The following LDLRAD4 variants were observed in gnomAD, a reference collection of about 807,000 sequenced individuals.
LDLRAD4 encodes low density lipoprotein receptor class A domain containing 4.
Under a neutral mutation model 17.0 loss-of-function variants are expected in LDLRAD4, and 5 were observed. That is an observed-to-expected ratio of 0.29 (90% CI 0.15 to 0.62). The LOEUF is 0.62. Among genes scored for constraint, LDLRAD4 ranks in the 20% least tolerant of loss-of-function variants. The pLI is 0.84. For missense variants in LDLRAD4, 340 were observed against 424.7 expected, an observed-to-expected ratio of 0.80 and a Z score of 1.75; for synonymous variants, 168 against 171.8, an observed-to-expected ratio of 0.98 and a Z score of 0.17.
intron 3 of LDLRAD4, among the ~76,000 whole-genome samples, chr18:13,589,981 GGCT>G (rs1471706364): frequency 2.0e-5 from 3 of 152,066 alleles, no homozygotes; most frequent in African/African-American, 7.2e-5. Flanking sequence ...GCATGTGTGT[GGCT>G]GCGTGTGTGG....
chr18:13,261,355 C>T (rs776483072), intron 1 of LDLRAD4, among the ~76,000 whole-genome samples: 6 of 152,322 alleles, frequency 3.9e-5, no homozygotes, highest in Non-Finnish European at 8.8e-5. Flanking sequence ...TTTCTGGTTC[C>T]TGGTGAACAG....
intron 1 of LDLRAD4, among the ~76,000 whole-genome samples, chr18:13,253,008 C>A (rs1480526929): frequency 3.3e-5 from 5 of 152,206 alleles, no homozygotes; most frequent in Non-Finnish European, 5.9e-5. Flanking sequence ...GAAACCGGGG[C>A]ACTGGGGGTC....
In LDLRAD4 at chr18:13,394,318, CT is replaced by C. The variant is rs1292093507; in HGVS notation, c.40+6564del. ...TTTCAAGATAATCAAATGTGATTAT[CT>C]TTTTTTTAGAGGCATCGTGGTAGTC... On this transcript the variant is annotated intron_variant, in intron 2 of 5. Transcript: ENST00000359446. 8.6e-5 allele frequency among the ~76,000 whole-genome samples: 13 copies of C among 151,976 alleles called. No individual in the cohort carries two copies. The East Asian group carries it at 2.1e-3, about 25-fold the overall frequency.
intron 3 of LDLRAD4, among the ~76,000 whole-genome samples, chr18:13,528,865 T>C (rs1208655538): frequency 6.6e-6 from 1 of 152,196 alleles, no homozygotes; most frequent in Non-Finnish European, 1.5e-5. Context: ...CAGATTCTGA[T>C]TCTGATGTTG....
intron 4 of LDLRAD4, chr18:13,641,628 G>T: frequency 8.7e-6 from 3 of 344,994 alleles, no homozygotes; most frequent in Non-Finnish European, 1.2e-5. Context: ...CCCGAGGACT[G>T]GGGTGAGGGA....
At chr18:13,238,338 T>C (rs1245535882) in intron 1 of LDLRAD4, among the ~76,000 whole-genome samples, 1 of 152,236 alleles carries the variant, frequency 6.6e-6, no homozygotes, top group Non-Finnish European at 1.5e-5. Context: ...CTTCATGCAT[T>C]GCCTCTTGTT....
chr18:13,381,917 G>A (rs771359804), intron 1 of LDLRAD4, among the ~76,000 whole-genome samples: 16 of 152,240 alleles, frequency 1.1e-4, no homozygotes, highest in Middle Eastern at 3.4e-3. Flanking sequence ...CCAGTTTGCC[G>A]AGGTTTAGAA....
At chr18:13,553,664 T>C (rs1246469296) in intron 3 of LDLRAD4, among the ~76,000 whole-genome samples, 1 of 152,214 alleles carries the variant, frequency 6.6e-6, no homozygotes, top group Non-Finnish European at 1.5e-5. Flanking sequence ...CTTTATTTTC[T>C]AGTTCTTTCC....
At chr18:13,378,114 C>T (rs563324543) in intron 1 of LDLRAD4, among the ~76,000 whole-genome samples, 12 of 152,254 alleles carry the variant, frequency 7.9e-5, no homozygotes, top group African/African-American at 1.4e-4. Context: ...TGAACGCAGG[C>T]GACTGAAATG....
Position 13,458,341 on chromosome 18 carries a change from T to G in LDLRAD4, c.181+19957T>G, listed in dbSNP as rs1198338235. 2.0e-5 allele frequency among the ~76,000 whole-genome samples: 3 copies of G among 152,346 alleles called. No homozygotes were observed. In the East Asian group the frequency reaches 5.8e-4, roughly 29 times the overall value. ...TTAGCAGGTGTGGTACACACCTGAC[T>G]TTGCTTCTGTGGCTGAGGAAGGGGA... On this transcript the variant is annotated intron_variant, in intron 3 of 5. Coordinates refer to ENST00000359446, the Ensembl canonical transcript of LDLRAD4.
At chr18:13,629,894 G>A (rs1162207672) in intron 4 of LDLRAD4, among the ~76,000 whole-genome samples, 1 of 152,128 alleles carries the variant, frequency 6.6e-6, no homozygotes, top group Non-Finnish European at 1.5e-5. Context: ...CAGCAGCTCT[G>A]TGACCTTGGG....
At chr18:13,238,306 A>G (rs962144547) in intron 1 of LDLRAD4, among the ~76,000 whole-genome samples, 1 of 152,214 alleles carries the variant, frequency 6.6e-6, no homozygotes, top group African/African-American at 2.4e-5. Context: ...TCTTAAAAAC[A>G]TTCTGCTGTT....
rs79506890 is a variant in LDLRAD4 at position 13,592,146 on chromosome 18, G to T, written c.182-28971G>T. 2.2e-3 allele frequency among the ~76,000 whole-genome samples: 342 copies of T among 152,278 alleles called. 1 individual carries two copies. Among genetic ancestry groups the T allele is most frequent in the African/African-American group, 7.8e-3 (325 of 41,546 alleles). On this transcript the variant is annotated intron_variant, in intron 3 of 5. Coordinates refer to ENST00000359446, the Ensembl canonical transcript of LDLRAD4. The stretch of plus-strand genomic sequence containing the variant: ...AGAATTGAGTTTTGTGGAAGAAGGT[G>T]GTTTTACCTTGTTGAATAGGAAGGA...
At chr18:13,237,449 G>A (rs1018689814) in intron 1 of LDLRAD4, among the ~76,000 whole-genome samples, 1 of 152,210 alleles carries the variant, frequency 6.6e-6, no homozygotes, top group Non-Finnish European at 1.5e-5. Flanking sequence ...TCATGGGCTT[G>A]TGGACAGTGA....
intron 3 of LDLRAD4, among the ~76,000 whole-genome samples, chr18:13,511,621 T>C (rs2093780507): frequency 6.6e-6 from 1 of 152,218 alleles, no homozygotes; most frequent in African/African-American, 2.4e-5. Context: ...AATTCTGTAA[T>C]CGTTTTCTGA....
intron 1 of LDLRAD4, among the ~76,000 whole-genome samples, chr18:13,384,946 C>T (rs180928953): frequency 2.6e-5 from 4 of 152,302 alleles, no homozygotes; most frequent in East Asian, 1.9e-4. Flanking sequence ...GAAATGAACA[C>T]GGGAGTGTAG....
chr18:13,303,120 G>A (rs2046699467), intron 1 of LDLRAD4, among the ~76,000 whole-genome samples: 1 of 152,236 alleles, frequency 6.6e-6, no homozygotes, highest in Non-Finnish European at 1.5e-5. Flanking sequence ...CACAGGGAAG[G>A]CACCGGAGGG....
chr18:13,576,162 G>A (rs1400205286), intron 3 of LDLRAD4, among the ~76,000 whole-genome samples: 4 of 152,106 alleles, frequency 2.6e-5, no homozygotes, highest in Non-Finnish European at 4.4e-5. Flanking sequence ...AGTGGCTCAC[G>A]CCTGTAATCC....
At chr18:13,643,250 G>A (rs1351242915) in intron 4 of LDLRAD4, 109 bp from the exon 6 acceptor site, 1 of 702,582 alleles carries the variant, frequency 1.4e-6, no homozygotes, top group Non-Finnish European at 2.3e-6. Context: ...CACGTTTTAT[G>A]CAGATCCCCG....
Sources: gnomAD v4.1 joint callset for allele counts (sites outside exome capture counted in the v4.1 genomes callset) on GRCh38, gnomAD v4.1.1 for gene constraint, MANE v1.5 for transcripts, NCBI Gene and HGNC (gene_info 2026-07-23, HGNC 2026-07-21) for gene names.